SH3TC1: variants seen among roughly 807,000 people sequenced by gnomAD.
SH3TC1 encodes SH3 domain and tetratricopeptide repeats 1, also known as SH3 domain and tetratricopeptide repeat-containing protein 1.
Under a neutral mutation model 117.3 loss-of-function variants are expected in SH3TC1, and 135 were observed. That is an observed-to-expected ratio of 1.15 (90% CI 1.00 to 1.33). The LOEUF (loss-of-function observed/expected upper bound fraction) is 1.33, where lower values mean the gene tolerates loss of function less well. Ranked by LOEUF, SH3TC1 falls within the 40% of genes most tolerant of loss-of-function variation. SH3TC1 has a pLI of 0.00. For synonymous variants in SH3TC1, 898 were observed against 816.9 expected, an observed-to-expected ratio of 1.10 and a Z score of -1.69; for missense variants, 2,092 against 1,794.3, an observed-to-expected ratio of 1.17 and a Z score of -3.00.
intron 1 of SH3TC1, among the ~76,000 whole-genome samples, chr4:8,187,358 C>G (rs1033672271): frequency 6.7e-6 from 1 of 149,718 alleles, no homozygotes; most frequent in East Asian, 1.9e-4. Flanking sequence ...CATTTCCACA[C>G]TATCCTCTGT....
At chr4:8,188,142 C>T (rs1261997108) in intron 1 of SH3TC1, among the ~76,000 whole-genome samples, 1 of 152,224 alleles carries the variant, frequency 6.6e-6, no homozygotes, top group South Asian at 2.1e-4. Context: ...AGAGCCCCTC[C>T]TCCAGGCAGC....
chr4:8,220,754 C>T (rs140822754), intron 9 of SH3TC1, among the ~76,000 whole-genome samples: 1,635 of 152,316 alleles, frequency 0.011, 17 homozygotes, highest in Non-Finnish European at 0.016. Flanking sequence ...ACCTCTCAGA[C>T]CAGGTCTCAG....
Position 8,227,897 on chromosome 4 carries a change from T to C in SH3TC1, c.2203T>C (p.Leu735=), listed in dbSNP as rs137872451. 2.7e-5 allele frequency: 44 copies of C among 1,612,684 alleles called. No individual in the cohort carries two copies. The highest frequency in any genetic ancestry group is 3.3e-5 in the Non-Finnish European group (39 of 1,179,974). ...LVLSCVKVAS[L]RTRGSLAGSL... is the part of the protein sequence containing the mutation. ...GCTGAGCTGTGTCAAGGTGGCCTCA[T>C]TGCGGACACGGGGCTCGCTGGCCGG... The change falls in exon 12 of 18, where the codon TTG becomes CTG. Residue 735 remains leucine, a synonymous_variant. Coordinates refer to ENST00000245105, the MANE Select transcript of SH3TC1 (RefSeq NM_018986.5).
rs1200814682 is a variant in SH3TC1, at chr4:8,219,549, G to A, written c.1112+19G>A. ...TGTCCGAGTGAGTGGCTGGAGCCCCGCCCCTTTCCTGAACCCACCCCCATC... is the reference window on the plus strand; with the variant it reads ...TGTCCGAGTGAGTGGCTGGAGCCCCACCCCTTTCCTGAACCCACCCCCATC... On this transcript the variant is annotated intron_variant, in intron 9 of 17. Coordinates refer to ENST00000245105, the MANE Select transcript of SH3TC1 (RefSeq NM_018986.5). 3 of 1,491,502 alleles carry A rather than the reference G, an allele frequency of 2.0e-6. No individual in the cohort carries two copies. Among genetic ancestry groups the A allele is most frequent in the East Asian group, 2.5e-5 (1 of 40,296 alleles). 92.4% of individuals were successfully genotyped at this position (1,491,502 alleles called of 1,614,324 possible).
Position 8,240,817 on chromosome 4 carries a change from C to T in SH3TC1, c.3873C>T (p.Leu1291=). 1 of 1,614,158 alleles carries T rather than the reference C, an allele frequency of 6.2e-7. No individual in the cohort carries two copies. Among genetic ancestry groups the T allele is most frequent in the Non-Finnish European group, 8.5e-7 (1 of 1,180,042 alleles). ...TRLATIYHNF[L]LDREKSLFFY... ...TGGCCACCATCTACCACAACTTCCT[C>T]CTGGACCGTGAGAAGTCGCTCTTCT... The change falls in exon 18 of 18, where the codon CTC becomes CTT. Residue 1291 remains leucine, a synonymous_variant. Transcript: ENST00000245105.
chr4:8,228,429 T>C lies in SH3TC1; in HGVS notation c.2735T>C (p.Leu912Pro), dbSNP rs780491915. 4.4e-6 allele frequency: 7 copies of C among 1,604,928 alleles called. No individual in the cohort carries two copies. The highest frequency in any genetic ancestry group is 1.7e-4 in the Middle Eastern group (1 of 5,988). ...GTGGGGCTGGCCAACTTCGGGGCCCTGTGCCTGCATGCGGGTGCCAGCAGG... is the reference window on the plus strand; with the variant it reads ...GTGGGGCTGGCCAACTTCGGGGCCCCGTGCCTGCATGCGGGTGCCAGCAGG... ...QAVGLANFGA[L>P]CLHAGASRLA... The change falls in exon 12 of 18, where the codon CTG (leucine) becomes CCG (proline). Residue 912 changes from leucine to proline, a missense_variant. Physicochemically the swap from Leu to Pro is moderately conservative, Grantham distance 98. Coordinates refer to ENST00000245105, the MANE Select transcript of SH3TC1 (RefSeq NM_018986.5).
chr4:8,184,069 C>G (rs969706266), intron 1 of SH3TC1, among the ~76,000 whole-genome samples: 1 of 152,090 alleles, frequency 6.6e-6, no homozygotes, highest in Non-Finnish European at 1.5e-5. Flanking sequence ...TCTTTTAGGC[C>G]CTCTCAGCTG....
chr4:8,206,880 G>C lies in SH3TC1; in HGVS notation c.172+1514G>C, dbSNP rs1368507402. ...GTGTGTGTGTGTGTGATTTTCTTCT[G>C]ATCCTTTTGGGAGTAAATTGCAGAC... is the stretch of plus-strand genomic sequence containing the variant. On this transcript the variant is annotated intron_variant, in intron 2 of 17. Transcript: ENST00000245105. The surrounding 1 kb of genome is among the most constrained non-coding windows in gnomAD (Gnocchi z 5.5). 6.7e-6 allele frequency among the ~76,000 whole-genome samples: 1 copy of C among 148,284 alleles called. No homozygotes were observed. Among genetic ancestry groups the C allele is most frequent in the Admixed American group, 6.7e-5 (1 of 14,988 alleles).
At position 8,212,824 on chromosome 4, in the gene SH3TC1, T is replaced by C; in HGVS notation, c.371T>C (p.Leu124Pro). ...GATAGCCGGGAGATGGCCCGCGTGC[T>C]TGGGGTGAGTAGCCCTCTGGGGCCT... ...ENDSREMARV[L>P]GELSARLLSI... The change falls in exon 4 of 18, where the codon CTT (leucine) becomes CCT (proline). Residue 124 changes from leucine to proline, a missense_variant. By Grantham distance (98) the Leu-to-Pro change is moderately conservative. Coordinates refer to ENST00000245105, the MANE Select transcript of SH3TC1 (RefSeq NM_018986.5). 6.3e-7 allele frequency: 1 copy of C among 1,576,832 alleles called. No individual in the cohort carries two copies. Among genetic ancestry groups the C allele is most frequent in the Non-Finnish European group, 8.6e-7 (1 of 1,161,200 alleles).
At chr4:8,204,708 C>G (rs868150577) in intron 1 of SH3TC1, 1 of 153,002 alleles carries the variant, frequency 6.5e-6, no homozygotes, top group Non-Finnish European at 1.5e-5. Context: ...CCCAGGCTGC[C>G]GTCCCCATGG....
intron 1 of SH3TC1, among the ~76,000 whole-genome samples, chr4:8,189,906 G>A (rs1489453324): frequency 6.6e-6 from 1 of 152,192 alleles, no homozygotes; most frequent in African/African-American, 2.4e-5. Flanking sequence ...GTGTCCAAAG[G>A]GTGTGGTCAG....
chr4:8,202,517 CG>C (rs1385548550), intron 1 of SH3TC1, among the ~76,000 whole-genome samples: 1 of 152,246 alleles, frequency 6.6e-6, no homozygotes, highest in East Asian at 1.9e-4. Flanking sequence ...TCACCATTCC[CG>C]GCCCCCACAG....
chr4:8,195,492 C>T (rs1274394432), upstream of SH3TC1, among the ~76,000 whole-genome samples: 2 of 152,108 alleles, frequency 1.3e-5, no homozygotes, highest in African/African-American at 2.4e-5. Context: ...TGTGTGGAGT[C>T]GGGGTGCTCT....
chr4:8,200,723 C>T lies in SH3TC1; in HGVS notation c.-29+1318C>T, dbSNP rs887053817. ...CGTGTTCTCTCGCGGCTCTGGAGGTCGGAATTCCGAACTCAAGGCGTCCCT... is the reference window on the plus strand; with the variant it reads ...CGTGTTCTCTCGCGGCTCTGGAGGTTGGAATTCCGAACTCAAGGCGTCCCT... On this transcript the variant is annotated intron_variant, in intron 1 of 17. Coordinates refer to ENST00000245105, the MANE Select transcript of SH3TC1 (RefSeq NM_018986.5). Among the ~76,000 whole-genome samples, 3 of 152,214 alleles carry T rather than the reference C, an allele frequency of 2.0e-5. No homozygotes were observed. The East Asian group carries it at 5.8e-4, about 29-fold the overall frequency.
chr4:8,237,367 T>C, intron 16 of SH3TC1, 107 bp from the exon 17 acceptor site: 1 of 951,612 alleles, frequency 1.1e-6, no homozygotes, highest in South Asian at 1.8e-5. Flanking sequence ...TGGCCAGAAC[T>C]GCCCAGGTGA....
chr4:8,230,037 T>C (rs1721036507), intron 12 of SH3TC1, among the ~76,000 whole-genome samples: 1 of 151,658 alleles, frequency 6.6e-6, no homozygotes, highest in South Asian at 2.1e-4. Context: ...ACGAGGATCA[T>C]GCTTCCCTGT....
At chr4:8,219,754 G>A (rs1381121926) in intron 9 of SH3TC1, among the ~76,000 whole-genome samples, 1 of 152,200 alleles carries the variant, frequency 6.6e-6, no homozygotes, top group African/African-American at 2.4e-5. Context: ...GCGTTCCCTC[G>A]AATGCACACC....
rs768458488 is a variant in SH3TC1 at position 8,216,988 on chromosome 4, T to C, written c.660T>C (p.His220=). ...TCTTTGTCCTGTGTCCTGACCACCA[T>C]GTGAGAGTGATGACGGGTCCCCGGG... ...GPFFVLCPDH[H]VRVMTGPRDA... Residue 220 remains histidine, a synonymous_variant, in exon 7 of 18, where the codon CAT becomes CAC. Coordinates refer to ENST00000245105, the MANE Select transcript of SH3TC1 (RefSeq NM_018986.5). The C allele has an allele frequency of 8.7e-6, 14 of 1,613,914 alleles. No homozygotes were observed. In the African/African-American group the frequency reaches 1.2e-4, roughly 14 times the overall value.
At position 8,240,787 on chromosome 4, in the gene SH3TC1, G is replaced by A. The variant is rs1419337670; in HGVS notation, c.3843G>A (p.Thr1281=). Residue 1281 remains threonine, a synonymous_variant, in exon 18 of 18, where the codon ACG becomes ACA. Transcript: ENST00000245105. ...GNKKAQLKIY[T]RLATIYHNFL... is the part of the protein sequence containing the mutation. ...AGAAGGCACAGCTGAAGATCTACAC[G>A]CGGCTGGCCACCATCTACCACAACT... 8 of 1,614,122 alleles carry A rather than the reference G, an allele frequency of 5.0e-6. No individual in the cohort carries two copies. Among genetic ancestry groups the A allele is most frequent in the Admixed American group, 1.7e-5 (1 of 60,036 alleles).
Sources: allele counts gnomAD v4.1 joint callset (sites outside exome capture counted in the v4.1 genomes callset), GRCh38; gene constraint gnomAD v4.1.1; non-coding constraint Gnocchi (gnomAD v3.1); transcripts MANE v1.5; gene names NCBI Gene and HGNC (gene_info 2026-07-23, HGNC 2026-07-21).